Variants in PEPD observed in about 807,000 individuals in gnomAD.
PEPD encodes the protein peptidase D, also known as xaa-Pro dipeptidase.
In PEPD, 53 loss-of-function variants were observed where a neutral mutation model predicts 60.7. That is an observed-to-expected ratio of 0.87 (90% CI 0.70 to 1.10). The LOEUF (loss-of-function observed/expected upper bound fraction) is 1.10, where lower values mean the gene tolerates loss of function less well. Among genes scored for constraint, PEPD ranks in the 50% least tolerant of loss-of-function variants. The pLI, the probability that PEPD is intolerant of heterozygous loss-of-function variation, is 0.00. For missense variants in PEPD, 711 were observed against 711.9 expected (o/e 1.00, Z 0.01); for synonymous variants, 267 against 284.1 (o/e 0.94, Z 0.60).
At chr19:33,440,829 G>A (rs1969467753) in intron 9 of PEPD, among the ~76,000 whole-genome samples, 2 of 152,198 alleles carry the variant, frequency 1.3e-5, no homozygotes, top group African/African-American at 4.8e-5. Flanking sequence ...TCCTAGAAGA[G>A]TGCCTGGCAC....
intron 4 of PEPD, 84 bp from the exon 5 acceptor site, chr19:33,493,421 A>G (rs1970538300): frequency 1.1e-6 from 1 of 948,580 alleles, no homozygotes; most frequent in South Asian, 1.3e-5. Flanking sequence ...TCATAATGAC[A>G]GTGCACATTT....
chr19:33,451,712 T>C (rs75029602), intron 9 of PEPD, among the ~76,000 whole-genome samples: 1,697 of 152,296 alleles, frequency 0.011, 26 homozygotes, highest in South Asian at 0.07. Context: ...AGCAAAGATA[T>C]GCCAGGAAAA....
At chr19:33,518,651 T>G in intron 1 of PEPD, among the ~76,000 whole-genome samples, 1 of 152,240 alleles carries the variant, frequency 6.6e-6, no homozygotes, top group East Asian at 1.9e-4. Context: ...GAAAGCAGGA[T>G]GGGATGCTGG....
intron 6 of PEPD, among the ~76,000 whole-genome samples, chr19:33,481,103 T>C (rs1304993118): frequency 2.0e-5 from 3 of 151,910 alleles, no homozygotes; most frequent in Non-Finnish European, 2.9e-5. Flanking sequence ...AAATAACCAA[T>C]GGATCACGTA....
At chr19:33,421,948 C>T (rs1040738059) in intron 9 of PEPD, among the ~76,000 whole-genome samples, 4 of 151,914 alleles carry the variant, frequency 2.6e-5, no homozygotes, top group Non-Finnish European at 5.9e-5. Flanking sequence ...TCTGGCTGGC[C>T]CCCCTGCTTC....
intron 11 of PEPD, among the ~76,000 whole-genome samples, chr19:33,404,457 AAACAAC>A (rs57961062): frequency 2.2e-4 from 33 of 151,360 alleles, no homozygotes; most frequent in Non-Finnish European, 3.7e-4. Context: ...ATCGTTTAAA[AAACAAC>A]AACAACAACA....
intron 6 of PEPD, among the ~76,000 whole-genome samples, chr19:33,489,596 T>G (rs542006431): frequency 6.6e-6 from 1 of 151,402 alleles, no homozygotes; most frequent in East Asian, 2.0e-4. Flanking sequence ...GCCATTGCAC[T>G]CCAGCCTGGG....
intron 9 of PEPD, among the ~76,000 whole-genome samples, chr19:33,423,460 A>T (rs895945722): frequency 2.0e-5 from 3 of 152,234 alleles, no homozygotes; most frequent in African/African-American, 7.2e-5. Context: ...TTCTGCAAAA[A>T]GGACCCCTGA....
intron 9 of PEPD, among the ~76,000 whole-genome samples, chr19:33,414,674 C>T (rs1405653016): frequency 6.6e-6 from 1 of 151,992 alleles, no homozygotes; most frequent in African/African-American, 2.4e-5. Flanking sequence ...CCAGGCCTGC[C>T]TTAGAGAACG....
At chr19:33,516,143 G>A (rs1338825346) in intron 1 of PEPD, among the ~76,000 whole-genome samples, 1 of 152,076 alleles carries the variant, frequency 6.6e-6, no homozygotes, top group Non-Finnish European at 1.5e-5. Flanking sequence ...AGGACACCAA[G>A]TAATAAAGTT....
intron 4 of PEPD, among the ~76,000 whole-genome samples, chr19:33,500,116 C>G (rs1438434700): frequency 1.3e-5 from 2 of 152,256 alleles, no homozygotes; most frequent in African/African-American, 4.8e-5. Context: ...AAAGCTGATG[C>G]TGCCAGGTCC....
chr19:33,443,965 C>T (rs1969539784), intron 9 of PEPD, among the ~76,000 whole-genome samples: 1 of 149,428 alleles, frequency 6.7e-6, no homozygotes, highest in Admixed American at 6.6e-5. Context: ...CATACAAGTG[C>T]ACGCGCGTGC....
chr19:33,390,284 T>C (rs1968183691), intron 13 of PEPD, among the ~76,000 whole-genome samples: 1 of 152,210 alleles, frequency 6.6e-6, no homozygotes, highest in South Asian at 2.1e-4. Flanking sequence ...GAACCTCAGC[T>C]AACAATGTCT....
chr19:33,430,623 A>T (rs1969249697), intron 9 of PEPD, among the ~76,000 whole-genome samples: 1 of 152,128 alleles, frequency 6.6e-6, no homozygotes, highest in South Asian at 2.1e-4. Context: ...TACTGACTGG[A>T]TTTCCTACTG....
intron 9 of PEPD, among the ~76,000 whole-genome samples, chr19:33,431,384 G>C (rs1180507622): frequency 2.6e-5 from 4 of 152,192 alleles, no homozygotes. Context: ...GGCCAGGGCT[G>C]GGGGCCCATC....
chr19:33,505,966 C>A (rs934958533), intron 3 of PEPD, among the ~76,000 whole-genome samples: 3 of 147,774 alleles, frequency 2.0e-5, no homozygotes, highest in Non-Finnish European at 3.0e-5. Flanking sequence ...CACACTCACA[C>A]CCACACCCCA....
chr19:33,445,565 C>G (rs1345625154), intron 9 of PEPD, among the ~76,000 whole-genome samples: 1 of 152,216 alleles, frequency 6.6e-6, no homozygotes, highest in Non-Finnish European at 1.5e-5. Flanking sequence ...AGGCGGCAAG[C>G]CCAGGAGAGA....
intron 12 of PEPD, among the ~76,000 whole-genome samples, chr19:33,401,217 G>T (rs555405466): frequency 6.6e-5 from 10 of 152,344 alleles, no homozygotes; most frequent in African/African-American, 2.4e-4. Flanking sequence ...CAGGCCAGGC[G>T]GCCTTGCAGG....
chr19:33,512,597 C>T lies in PEPD; in HGVS notation c.197G>A (p.Arg66His), dbSNP rs753859371. 104 of 1,613,314 alleles carry T rather than the reference C, an allele frequency of 6.4e-5. No individual in the cohort carries two copies. The highest frequency in any genetic ancestry group is 4.1e-4 in the South Asian group (37 of 91,076). Residue 66 changes from arginine (R) to histidine (H), a missense_variant, in exon 2 of 15, where the codon CGC becomes CAC. Coordinates refer to ENST00000244137, the MANE Select transcript of PEPD (RefSeq NM_000285.4). ...TGGCCAAGCGGGGAGGCTCACCTGGCGGAAGAGGACCCCGGTGTCGGTGCA... is the reference window on the plus strand; with the variant it reads ...TGGCCAAGCGGGGAGGCTCACCTGGTGGAAGAGGACCCCGGTGTCGGTGCA... The part of the protein sequence containing the change: ...RYCTDTGVLF[R>H]QESFFHWAFG...
Sources: gnomAD v4.1 joint callset for allele counts (sites outside exome capture counted in the v4.1 genomes callset) on GRCh38, gnomAD v4.1.1 for gene constraint, MANE v1.5 for transcripts, NCBI Gene and HGNC (gene_info 2026-07-23, HGNC 2026-07-21) for gene names.